The following RYR2 variants were observed in gnomAD, a reference collection of about 807,000 sequenced individuals.
The protein encoded by RYR2 is cardiac muscle ryanodine receptor-calcium release channel.
Under a neutral mutation model 601.1 loss-of-function variants are expected in RYR2, and 227 were observed. The ratio of observed to expected loss-of-function variants is 0.38; its 90% CI spans 0.34 to 0.42. The LOEUF is 0.42. Among genes scored for constraint, RYR2 ranks in the 10% least tolerant of loss-of-function variants. The probability of loss-of-function intolerance (pLI) is 1.00; values close to 1 mark genes in which losing one functional copy is unlikely to be tolerated. For synonymous variants in RYR2, 2,223 were observed against 2,175.1 expected, an observed-to-expected ratio of 1.02 and a Z score of -0.61; for missense variants, 4,646 against 6,156.5, an observed-to-expected ratio of 0.75 and a Z score of 8.21.
Position 237,269,332 on chromosome 1 carries a change from C to T in RYR2, c.49-1165C>T, listed in dbSNP as rs145099572. On this transcript the variant is annotated intron_variant, in intron 1 of 104. Coordinates refer to ENST00000366574, the MANE Select transcript of RYR2 (RefSeq NM_001035.3). ...TGCTGGGATTATAGGTGTGAGCCACCGCGCCCGGCCATATAGCATATTCTT... is the reference window on the plus strand; with the variant it reads ...TGCTGGGATTATAGGTGTGAGCCACTGCGCCCGGCCATATAGCATATTCTT... Among the ~76,000 whole-genome samples, 831 of 151,594 alleles carry T rather than the reference C, an allele frequency of 5.5e-3. 13 individuals carry two copies. The highest frequency in any genetic ancestry group is 0.019 in the African/African-American group (783 of 41,332).
intron 2 of RYR2, among the ~76,000 whole-genome samples, chr1:237,310,962 G>A (rs367606578): frequency 6.6e-6 from 1 of 152,068 alleles, no homozygotes; most frequent in Non-Finnish European, 1.5e-5. Flanking sequence ...TGAGCATATC[G>A]TGACAAAATA....
chr1:237,691,581 G>A (rs945372965), intron 63 of RYR2, among the ~76,000 whole-genome samples: 5 of 152,038 alleles, frequency 3.3e-5, no homozygotes, highest in African/African-American at 1.2e-4. Flanking sequence ...CACTATACAG[G>A]AATTAAGATA....
intron 2 of RYR2, among the ~76,000 whole-genome samples, chr1:237,311,503 T>A (rs533504664): frequency 6.6e-6 from 1 of 151,546 alleles, no homozygotes; most frequent in Non-Finnish European, 1.5e-5. Context: ...TTTTTGATAC[T>A]GGATCTCACT....
intron 14 of RYR2, among the ~76,000 whole-genome samples, chr1:237,449,004 T>C (rs1446128501): frequency 6.6e-6 from 1 of 152,166 alleles, no homozygotes; most frequent in African/African-American, 2.4e-5. Flanking sequence ...GTCTGTCTTC[T>C]TCCTATTTGT....
chr1:237,625,892 G>A, intron 40 of RYR2, 88 bp downstream of exon 40: 1 of 1,463,734 alleles, frequency 6.8e-7, no homozygotes, highest in Non-Finnish European at 9.2e-7. Context: ...GGATGAGCCA[G>A]TGAGATAATT....
chr1:237,750,917 T>A (rs1457659227), intron 80 of RYR2, among the ~76,000 whole-genome samples: 1 of 152,188 alleles, frequency 6.6e-6, no homozygotes, highest in Non-Finnish European at 1.5e-5. Context: ...TGGGACTGTA[T>A]CAAATACTTG....
At chr1:237,737,183 T>A (rs375123396) in intron 79 of RYR2, among the ~76,000 whole-genome samples, 18 of 152,220 alleles carry the variant, frequency 1.2e-4, no homozygotes, top group African/African-American at 4.3e-4. Context: ...TTTTGTTGGA[T>A]CCTAAAGCTA....
chr1:237,284,598 A>G (rs1440780868), intron 2 of RYR2, among the ~76,000 whole-genome samples: 2 of 91,802 alleles, frequency 2.2e-5, no homozygotes, highest in East Asian at 1.1e-3. Flanking sequence ...ACACAGACCC[A>G]CACACACATA....
chr1:237,589,295 CT>C (rs201322834), intron 29 of RYR2, among the ~76,000 whole-genome samples: 3 of 152,016 alleles, frequency 2.0e-5, no homozygotes, highest in African/African-American at 7.3e-5. Context: ...GCCTCCAATT[CT>C]TTTTTTTCTT....
intron 2 of RYR2, among the ~76,000 whole-genome samples, chr1:237,282,865 A>C (rs948959930): frequency 2.0e-5 from 3 of 152,104 alleles, no homozygotes; most frequent in Non-Finnish European, 4.4e-5. Context: ...GTGGCTGGGA[A>C]CTCCCAAGTG....
intron 60 of RYR2, 104 bp from the exon 61 acceptor site, chr1:237,677,944 G>T: frequency 1.4e-6 from 1 of 726,714 alleles, no homozygotes; most frequent in Non-Finnish European, 2.4e-6. Flanking sequence ...ATTCAGTTTA[G>T]CGGGATAATA....
chr1:237,740,343 A>G (rs1558321260), intron 79 of RYR2, among the ~76,000 whole-genome samples: 1 of 152,214 alleles, frequency 6.6e-6, no homozygotes, highest in African/African-American at 2.4e-5. Context: ...CTGTACACCA[A>G]GTAAATTCAG....
intron 22 of RYR2, 115 bp from the exon 23 acceptor site, chr1:237,506,595 A>G (rs1665287223): frequency 4.7e-6 from 3 of 632,452 alleles, no homozygotes; most frequent in African/African-American, 1.9e-5. Context: ...ACTTTGTTCT[A>G]TGATTACTGG....
At chr1:237,109,220 G>A (rs113647478) in intron 1 of RYR2, among the ~76,000 whole-genome samples, 1 of 151,202 alleles carries the variant, frequency 6.6e-6, no homozygotes, top group African/African-American at 2.4e-5. Flanking sequence ...TAAAATATAT[G>A]TATTTTATTT....
chr1:237,419,991 T>A (rs1705394712), intron 11 of RYR2, among the ~76,000 whole-genome samples: 1 of 152,198 alleles, frequency 6.6e-6, no homozygotes, highest in African/African-American at 2.4e-5. Flanking sequence ...TGCCAATGTT[T>A]ATATTCAATA....
chr1:237,717,427 T>A (rs1286354708), intron 72 of RYR2, 59 bp downstream of exon 72: 19 of 1,377,508 alleles, frequency 1.4e-5, no homozygotes, highest in Non-Finnish European at 1.8e-5. Flanking sequence ...TCTCAGTGTT[T>A]GATTCCTTTG....
At chr1:237,600,294 A>C (rs555195263) in intron 34 of RYR2, among the ~76,000 whole-genome samples, 1 of 152,264 alleles carries the variant, frequency 6.6e-6, no homozygotes, top group East Asian at 1.9e-4. Flanking sequence ...AGAAAAAAAA[A>C]CACCTATCCA....
chr1:237,708,785 T>C (rs758665110), intron 68 of RYR2, 73 bp from the exon 69 acceptor site: 10 of 1,336,476 alleles, frequency 7.5e-6, no homozygotes, highest in South Asian at 1.3e-5. Context: ...TATGTTACAA[T>C]TGTAATTACA....
intron 10 of RYR2, among the ~76,000 whole-genome samples, chr1:237,414,353 G>A (rs995940037): frequency 2.0e-5 from 3 of 152,090 alleles, no homozygotes; most frequent in Admixed American, 2.0e-4. Context: ...CTAGTCAAGT[G>A]GTTCTCAAAA....
Sources: gnomAD v4.1 joint callset for allele counts (sites outside exome capture counted in the v4.1 genomes callset) on GRCh38, gnomAD v4.1.1 for gene constraint, MANE v1.5 for transcripts, NCBI Gene and HGNC (gene_info 2026-07-23, HGNC 2026-07-21) for gene names.